Variants in PLET1 observed in about 807,000 individuals in gnomAD.
PLET1 encodes the protein placenta expressed transcript 1.
PLET1 carries 20 observed loss-of-function variants against 18.5 expected under a neutral mutation model. The observed-to-expected ratio is 1.08, with a 90% confidence interval of 0.76 to 1.57. The LOEUF (loss-of-function observed/expected upper bound fraction) is 1.57. PLET1 is among the 40% of genes most tolerant of loss of function. The pLI, the probability that PLET1 is intolerant of heterozygous loss-of-function variation, is 0.00. For synonymous variants in PLET1, 93 were observed against 93.8 expected, an observed-to-expected ratio of 0.99 and a Z score of 0.05; for missense variants, 256 against 246.4, an observed-to-expected ratio of 1.04 and a Z score of -0.26.
intron 2 of PLET1, among the ~76,000 whole-genome samples, chr11:112,253,819 A>C (rs190307530): frequency 6.6e-6 from 1 of 152,296 alleles, no homozygotes; most frequent in East Asian, 1.9e-4. Context: ...ACCAGCTTCC[A>C]TAGAGACATG....
Position 112,252,428 on chromosome 11 carries a change from T to TGTG in PLET1, c.387-20_387-19insCAC. 9 of 1,547,454 alleles carry TGTG rather than the reference T, an allele frequency of 5.8e-6. No individual in the cohort carries two copies. Among genetic ancestry groups the TGTG allele is most frequent in the Non-Finnish European group, 7.0e-6 (8 of 1,143,220 alleles). The stretch of plus-strand genomic sequence containing the variant: ...GAAAGCTCTGTGGAGGGCAAATCAA[T>TGTG]GAGAGATAATGCTGAGGACCTCATG... On this transcript the variant is annotated intron_variant, in intron 2 of 3. Coordinates refer to ENST00000338832, the MANE Select transcript of PLET1 (RefSeq NM_001145024.1).
intron 3 of PLET1, among the ~76,000 whole-genome samples, chr11:112,250,220 CTTTTTTTTTTT>C (rs33963716): frequency 2.0e-5 from 1 of 49,860 alleles, no homozygotes; most frequent in Non-Finnish European, 3.4e-5. Context: ...AGAAACAAAC[CTTTTTTTTTTT>C]TTTTTTTTTT....
Position 112,255,382 on chromosome 11 carries a change from T to G in PLET1, c.386+6A>C. Reference sequence around the variant, plus strand: ...AAGCCCAAAGCAAAGCAAGCTAGGTTCTTACTGTATCTCCACTTCAGTTAT... The same window carrying G: ...AAGCCCAAAGCAAAGCAAGCTAGGTGCTTACTGTATCTCCACTTCAGTTAT... On this transcript the variant is annotated splice_donor_region_variant and intron_variant, in intron 2 of 3. Coordinates refer to ENST00000338832, the MANE Select transcript of PLET1 (RefSeq NM_001145024.1). 6.4e-7 allele frequency: 1 copy of G among 1,551,984 alleles called. No individual in the cohort carries two copies. The highest frequency in any genetic ancestry group is 8.7e-7 in the Non-Finnish European group (1 of 1,146,880).
intron 3 of PLET1, among the ~76,000 whole-genome samples, 174 bp from the exon 4 acceptor site, chr11:112,249,148 A>G (rs2135415481): frequency 6.6e-6 from 1 of 152,252 alleles, no homozygotes; most frequent in African/African-American, 2.4e-5. Context: ...AGGAGGGGAA[A>G]AGCTGGGGGT....
At chr11:112,254,721 AGT>A (rs1318246947) in intron 2 of PLET1, among the ~76,000 whole-genome samples, 108 of 35,322 alleles carry the variant, frequency 3.1e-3, no homozygotes, top group African/African-American at 7.6e-3. Flanking sequence ...GTGTGTTGTG[AGT>A]GTGTGTGTGG....
At chr11:112,254,201 G>GTGTGTT (rs1365084670) in intron 2 of PLET1, among the ~76,000 whole-genome samples, 30 of 150,412 alleles carry the variant, frequency 2.0e-4, no homozygotes, top group African/African-American at 6.6e-4. Flanking sequence ...GTGTGTGTGT[G>GTGTGTT]TGTGTGTGTG....
intron 1 of PLET1, among the ~76,000 whole-genome samples, chr11:112,258,698 C>G (rs899184590): frequency 6.6e-6 from 1 of 152,196 alleles, no homozygotes; most frequent in Non-Finnish European, 1.5e-5. Flanking sequence ...ACCTGAGGCT[C>G]TCCTCCAGGT....
chr11:112,259,582 C>T (rs1860264455), intron 1 of PLET1, among the ~76,000 whole-genome samples: 1 of 152,172 alleles, frequency 6.6e-6, no homozygotes, highest in Non-Finnish European at 1.5e-5. Context: ...AAGGGAGACT[C>T]TGGGCAGGTC....
At chr11:112,254,802 GCA>G in intron 2 of PLET1, among the ~76,000 whole-genome samples, 1 of 118,386 alleles carries the variant, frequency 8.4e-6, no homozygotes, top group East Asian at 2.8e-4. Flanking sequence ...GGTGTGTGGT[GCA>G]TGTGTGGTGT....
intron 1 of PLET1, among the ~76,000 whole-genome samples, chr11:112,258,207 C>T (rs1860245225): frequency 2.6e-5 from 4 of 152,030 alleles, no homozygotes; most frequent in Admixed American, 2.6e-4. Context: ...TCATCTTTCT[C>T]CTGTCTTTCT....
intron 1 of PLET1, among the ~76,000 whole-genome samples, chr11:112,258,344 C>T (rs1359102157): frequency 2.1e-5 from 3 of 144,282 alleles, no homozygotes; most frequent in Non-Finnish European, 3.0e-5. Context: ...AGTGCAGTGA[C>T]GTGGTCTCGG....
At chr11:112,253,052 G>A (rs960251688) in intron 2 of PLET1, among the ~76,000 whole-genome samples, 2 of 152,124 alleles carry the variant, frequency 1.3e-5, no homozygotes, top group Non-Finnish European at 2.9e-5. Context: ...AGACAGGCCT[G>A]GTTTTCATCC....
chr11:112,254,631 TGTGTGTG>T (rs1433188097), intron 2 of PLET1, among the ~76,000 whole-genome samples: 2,335 of 73,104 alleles, frequency 0.032, 73 homozygotes, highest in African/African-American at 0.082. Flanking sequence ...GTGGTATGAG[TGTGTGTG>T]GTGTGTGGTG....
At chr11:112,251,610 C>T (rs2135416434) in intron 3 of PLET1, among the ~76,000 whole-genome samples, 1 of 151,988 alleles carries the variant, frequency 6.6e-6, no homozygotes, top group East Asian at 1.9e-4. Context: ...CAAAGTCTCA[C>T]TGTGTTGCCC....
In PLET1 at chr11:112,248,470, G is replaced by T. The variant is rs866126346; in HGVS notation, c.*329C>A. ...TCAGAGGTTGCAGGGGAATCATTTGGCAGTGAACAAAAGTTGAGATTGGCT... is the reference window on the plus strand; with the variant it reads ...TCAGAGGTTGCAGGGGAATCATTTGTCAGTGAACAAAAGTTGAGATTGGCT... On this transcript the variant is annotated 3_prime_UTR_variant, in exon 4 of 4. Coordinates refer to ENST00000338832, the MANE Select transcript of PLET1 (RefSeq NM_001145024.1). 5 of 412,414 alleles carry T rather than the reference G, an allele frequency of 1.2e-5. No homozygotes were observed. The highest frequency in any genetic ancestry group is 6.0e-4 in the Middle Eastern group (1 of 1,656). The allele number at this position is 412,414 out of a possible 1,614,324, so 25.5% of individuals were successfully genotyped here. A position where few individuals can be genotyped will look rare whatever the true frequency, so the allele number is the denominator to read the frequency against.
chr11:112,256,151 G>T (rs1421677521), intron 1 of PLET1, among the ~76,000 whole-genome samples: 1 of 152,152 alleles, frequency 6.6e-6, no homozygotes, highest in Non-Finnish European at 1.5e-5. Context: ...TGAGCCACAG[G>T]GGCCCTAACT....
intron 3 of PLET1, among the ~76,000 whole-genome samples, chr11:112,250,220 C>CTTTTTTTTTTTTTT (rs33963716): frequency 3.6e-4 from 18 of 49,860 alleles, no homozygotes; most frequent in East Asian, 1.5e-3. Context: ...AGAAACAAAC[C>CTTTTTTTTTTTTTT]TTTTTTTTTT....
In PLET1 at chr11:112,248,815, C is replaced by T; in HGVS notation, c.608G>A (p.Ser203Asn). 1.3e-6 allele frequency: 2 copies of T among 1,551,418 alleles called. No homozygotes were observed. The highest frequency in any genetic ancestry group is 1.7e-6 in the Non-Finnish European group (2 of 1,146,922). The change falls in exon 4 of 4, where the codon AGC becomes AAC. Residue 203 changes from serine (S) to asparagine (N), a missense_variant. Physicochemically the swap from Ser to Asn is conservative, Grantham distance 46. Transcript: ENST00000338832. ...GGCTTCCCTTTAGAAGAGAAGTGTG[C>T]TGGTGAGAAAAGCAAGCAGGATATA... ...AIYILLAFLT[S>N]TLLF
At chr11:112,250,387 A>G (rs182754445) in intron 3 of PLET1, among the ~76,000 whole-genome samples, 1 of 152,108 alleles carries the variant, frequency 6.6e-6, no homozygotes, top group East Asian at 1.9e-4. Context: ...CAGTTGAGGA[A>G]ACAGACTGAA....
Sources: gnomAD v4.1 joint callset for allele counts (sites outside exome capture counted in the v4.1 genomes callset) on GRCh38, gnomAD v4.1.1 for gene constraint, MANE v1.5 for transcripts, NCBI Gene and HGNC (gene_info 2026-07-23, HGNC 2026-07-21) for gene names.